PKNOX1: variants seen among roughly 807,000 people sequenced by gnomAD.
The protein encoded by PKNOX1 is homeobox protein PKNOX1.
A neutral mutation model predicts 51.9 loss-of-function variants in PKNOX1; 15 were observed. The ratio of observed to expected loss-of-function variants is 0.29; its 90% CI spans 0.19 to 0.45. The LOEUF (loss-of-function observed/expected upper bound fraction) is 0.45, where lower values mean the gene tolerates loss of function less well. Among genes scored for constraint, PKNOX1 ranks in the 20% least tolerant of loss-of-function variants. The pLI is 1.00. For missense variants in PKNOX1, 462 were observed against 547.5 expected, an observed-to-expected ratio of 0.84 and a Z score of 1.56; for synonymous variants, 219 against 211.1, an observed-to-expected ratio of 1.04 and a Z score of -0.32.
intron 1 of PKNOX1, among the ~76,000 whole-genome samples, chr21:43,002,901 G>A (rs1568895349): frequency 6.6e-6 from 1 of 152,096 alleles, no homozygotes; most frequent in Non-Finnish European, 1.5e-5. Flanking sequence ...ATTTTTAGTA[G>A]AGACAGGGTT....
chr21:43,005,232 G>A (rs546173268), intron 2 of PKNOX1, among the ~76,000 whole-genome samples: 91 of 152,190 alleles, frequency 6.0e-4, no homozygotes, highest in Non-Finnish European at 1.1e-3. Context: ...CACCCCCCTC[G>A]GCTCTCCTCC....
chr21:42,989,481 T>C (rs886400873), intron 1 of PKNOX1, among the ~76,000 whole-genome samples: 2 of 152,164 alleles, frequency 1.3e-5, no homozygotes, highest in African/African-American at 4.8e-5. Flanking sequence ...AGTGATGTGA[T>C]CTCGATTTCA....
In PKNOX1 at chr21:43,029,940, C is replaced by A. The variant is rs1195029296; in HGVS notation, c.1150C>A (p.Gln384Lys). 6.2e-7 allele frequency: 1 copy of A among 1,614,200 alleles called. No individual in the cohort carries two copies. Among genetic ancestry groups the A allele is most frequent in the Admixed American group, 1.7e-5 (1 of 60,032 alleles). The stretch of plus-strand genomic sequence containing the variant: ...CGTGAACATGAACGTGGACAGCCTT[C>A]AGTCTCTGTCCTCGGACGGGGCCAC... ...TPVNMNVDSLQSLSSDGATLA... is the reference protein window; with the variant it reads ...TPVNMNVDSLKSLSSDGATLA... The change falls in exon 11 of 11, where the codon CAG (glutamine) becomes AAG (lysine). Residue 384 changes from glutamine to lysine, a missense_variant. Gln to Lys is a moderately conservative substitution (Grantham distance 53). Transcript: ENST00000291547.
rs2146304351 is a variant in PKNOX1, at chr21:43,032,652, T to C, written c.*2551T>C. The stretch of plus-strand genomic sequence containing the variant: ...ATAAAAAGAGAGCACTGCCTGAACC[T>C]CGGTGGCACTGGGAAGCTCTGGCCT... On this transcript the variant is annotated 3_prime_UTR_variant, in exon 11 of 11. Transcript: ENST00000291547. 6.4e-6 allele frequency: 1 copy of C among 157,434 alleles called. No individual in the cohort carries two copies. The highest frequency in any genetic ancestry group is 1.4e-5 in the Non-Finnish European group (1 of 70,884). 9.8% of individuals were successfully genotyped at this position (157,434 alleles called of 1,614,324 possible).
intron 1 of PKNOX1, among the ~76,000 whole-genome samples, chr21:42,985,344 G>C (rs1301967385): frequency 6.6e-6 from 1 of 151,674 alleles, no homozygotes; most frequent in Non-Finnish European, 1.5e-5. Flanking sequence ...TTGTTTGTTT[G>C]TTTGTTTTGA....
intron 7 of PKNOX1, chr21:43,020,634 G>A (rs970327499): frequency 6.5e-6 from 1 of 152,824 alleles, no homozygotes; most frequent in African/African-American, 2.4e-5. Context: ...TTCTGCCTTT[G>A]TGCTGTTTCT....
chr21:42,992,574 GGT>G (rs1376914415), intron 1 of PKNOX1, among the ~76,000 whole-genome samples: 3 of 152,198 alleles, frequency 2.0e-5, no homozygotes, highest in African/African-American at 4.8e-5. Context: ...AGCGGCTGGG[GGT>G]GACGTAATGA....
chr21:43,028,852 G>T lies in PKNOX1; in HGVS notation c.1077G>T (p.Pro359=), dbSNP rs529589297. Residue 359 remains proline, a synonymous_variant, in exon 10 of 11, where the codon CCG becomes CCT. Coordinates refer to ENST00000291547, the MANE Select transcript of PKNOX1 (RefSeq NM_004571.5). ...SIASGVAQPP[P]SELTMSEGAV... is the part of the protein sequence containing the mutation. Reference sequence around the variant, plus strand: ...CATCAGGAGTCGCACAGCCACCGCCGAGCGAGCTCACCATGTCGGAAGGTA... The same window carrying T: ...CATCAGGAGTCGCACAGCCACCGCCTAGCGAGCTCACCATGTCGGAAGGTA... The T allele has an allele frequency of 2.5e-6, 4 of 1,614,128 alleles. No homozygotes were observed. Among genetic ancestry groups the T allele is most frequent in the Non-Finnish European group, 3.4e-6 (4 of 1,180,018 alleles).
intron 4 of PKNOX1, among the ~76,000 whole-genome samples, chr21:43,011,832 C>T (rs773792646): frequency 3.1e-4 from 47 of 152,246 alleles, no homozygotes; most frequent in Non-Finnish European, 7.3e-5. Context: ...TGACTTGAAT[C>T]TGTCTCCTCC....
intron 1 of PKNOX1, chr21:43,003,931 G>A (rs234770): frequency 1.3e-4 from 21 of 157,688 alleles, no homozygotes; most frequent in Admixed American, 3.1e-4. Flanking sequence ...GTAAAAATAT[G>A]TATTTTTAAA....
intron 1 of PKNOX1, among the ~76,000 whole-genome samples, chr21:42,981,787 A>G (rs1161354487): frequency 5.9e-5 from 9 of 152,150 alleles, no homozygotes; most frequent in Admixed American, 5.2e-4. Context: ...TCGGGTTCTC[A>G]GGGTGGCAGG....
In PKNOX1 at chr21:43,007,397, G is replaced by C. The variant is rs952006173; in HGVS notation, c.52-94G>C. 4.4e-6 allele frequency: 5 copies of C among 1,144,650 alleles called. No individual in the cohort carries two copies. In the Admixed American group the frequency reaches 5.3e-5, roughly 12 times the overall value. The allele number at this position is 1,144,650 out of a possible 1,614,324, so 70.9% of individuals were successfully genotyped here. On this transcript the variant is annotated intron_variant, in intron 2 of 10. Coordinates refer to ENST00000291547, the MANE Select transcript of PKNOX1 (RefSeq NM_004571.5). ...ATGATTGCAGTCATACTGCTGTCTG[G>C]CAATTCCCCACTCCAACTGCATTCC...
In PKNOX1 at chr21:43,031,764, TTGAGGTTAAGAAG is replaced by T. The variant is rs1246245874; in HGVS notation, c.*1665_*1677del. 6.3e-6 allele frequency: 1 copy of T among 158,402 alleles called. No homozygotes were observed. The highest frequency in any genetic ancestry group is 2.4e-5 in the African/African-American group (1 of 41,610). 9.8% of individuals were successfully genotyped at this position (158,402 alleles called of 1,614,324 possible). ...GATTTTTCCCAAAAGAATATATTAA[TTGAGGTTAAGAAG>T]TCAGTGGGAAACACACAGAAATTTG... On this transcript the variant is annotated 3_prime_UTR_variant, in exon 11 of 11. Transcript: ENST00000291547.
chr21:42,990,679 AT>A (rs2059082558), intron 1 of PKNOX1, among the ~76,000 whole-genome samples: 1 of 152,202 alleles, frequency 6.6e-6, no homozygotes, highest in South Asian at 2.1e-4. Flanking sequence ...ACACAAATTT[AT>A]GTAATATAAG....
At chr21:42,977,985 A>G (rs184981499) in intron 1 of PKNOX1, among the ~76,000 whole-genome samples, 3 of 152,120 alleles carry the variant, frequency 2.0e-5, no homozygotes, top group Non-Finnish European at 4.4e-5. Context: ...TACTTTCCAC[A>G]TATCACCAAT....
chr21:42,998,732 C>T (rs1377954108), intron 1 of PKNOX1, among the ~76,000 whole-genome samples: 5 of 152,234 alleles, frequency 3.3e-5, no homozygotes. Context: ...CCTTTGACTG[C>T]ATGTCTCACA....
At chr21:42,989,156 C>CTTT (rs577968609) in intron 1 of PKNOX1, among the ~76,000 whole-genome samples, 1 of 146,764 alleles carries the variant, frequency 6.8e-6, no homozygotes. Flanking sequence ...TAATTTCCAA[C>CTTT]TTTTTTTTTT....
At chr21:43,002,365 C>T (rs897911466) in intron 1 of PKNOX1, among the ~76,000 whole-genome samples, 6 of 152,034 alleles carry the variant, frequency 3.9e-5, no homozygotes, top group Admixed American at 3.9e-4. Flanking sequence ...CACTCTTGTA[C>T]CCATTGACCG....
Position 43,028,776 on chromosome 21 carries a change from A to G in PKNOX1, c.1001A>G (p.Lys334Arg). 1 of 1,614,198 alleles carries G rather than the reference A, an allele frequency of 6.2e-7. No homozygotes were observed. Among genetic ancestry groups the G allele is most frequent in the Non-Finnish European group, 8.5e-7 (1 of 1,180,044 alleles). ...SSCSETPKTK[K>R]KTAQNRPVQR... is the part of the protein sequence containing the mutation. ...TGTTCAGAGACCCCCAAAACAAAGA[A>G]AAAAACTGCTCAGAACCGGCCAGTT... The change falls in exon 10 of 11, where the codon AAA (lysine) becomes AGA (arginine). Residue 334 changes from lysine to arginine, a missense_variant. Physicochemically the swap from Lys to Arg is conservative, Grantham distance 26. This residue lies in a region of PKNOX1 where 75 missense variants were observed against 129.8 expected (regional missense o/e 0.58). Transcript: ENST00000291547.
Sources: gnomAD v4.1 joint callset for allele counts (sites outside exome capture counted in the v4.1 genomes callset) on GRCh38, gnomAD v4.1.1 for gene constraint, gnomAD v4.1.1 regional missense constraint, MANE v1.5 for transcripts, NCBI Gene and HGNC (gene_info 2026-07-23, HGNC 2026-07-21) for gene names.